FAM169A: variants seen among roughly 807,000 people sequenced by gnomAD.
FAM169A encodes soluble lamin-associated protein of 75 kDa.
In FAM169A, 24 loss-of-function variants were observed where a neutral mutation model predicts 75.7. That is an observed-to-expected ratio of 0.32 (90% CI 0.23 to 0.45). The LOEUF (loss-of-function observed/expected upper bound fraction) is 0.45, where lower values mean the gene tolerates loss of function less well. Ranked by LOEUF, FAM169A falls within the 20% of genes least tolerant of loss-of-function variation. The pLI is 1.00. For missense variants in FAM169A, 673 were observed against 784.0 expected (o/e 0.86, Z 1.69); for synonymous variants, 271 against 271.0 (o/e 1.00, Z 0.00).
Position 74,781,793 on chromosome 5 carries a change from C to G in FAM169A, c.1680G>C (p.Leu560Phe), listed in dbSNP as rs745409844. ...CCAATGAGGAAGTAGTATTAGGAGA[C>G]AAATTCTCAGAGACCGGTTCTTCGG... ...EFSEEPVSENLSPNTTSSLED... is the reference protein window; with the variant it reads ...EFSEEPVSENFSPNTTSSLED... The change falls in exon 13 of 13, where the codon TTG becomes TTC. Residue 560 changes from leucine to phenylalanine, a missense_variant. Coordinates refer to ENST00000687041, the MANE Select transcript of FAM169A (RefSeq NM_001376049.1). 4 of 1,613,952 alleles carry G rather than the reference C, an allele frequency of 2.5e-6. No homozygotes were observed. The South Asian group carries it at 4.4e-5, about 18-fold the overall frequency.
At chr5:74,841,429 T>C (rs1748855865) in intron 2 of FAM169A, 116 bp downstream of exon 2, 1 of 801,598 alleles carries the variant, frequency 1.2e-6, no homozygotes, top group Non-Finnish European at 1.8e-6. Flanking sequence ...TAGATTTCTG[T>C]AAAGATTTCA....
chr5:74,824,190 G>GA (rs1747902299), intron 5 of FAM169A, among the ~76,000 whole-genome samples: 1 of 152,168 alleles, frequency 6.6e-6, no homozygotes, highest in African/African-American at 2.4e-5. Context: ...TTGTTGACTA[G>GA]ATTGTTCTTC....
intron 6 of FAM169A, among the ~76,000 whole-genome samples, chr5:74,806,658 T>C (rs1746900720): frequency 6.6e-6 from 1 of 152,214 alleles, no homozygotes; most frequent in Non-Finnish European, 1.5e-5. Flanking sequence ...ACTGAGGAAC[T>C]GAACTTAAAC....
intron 10 of FAM169A, among the ~76,000 whole-genome samples, chr5:74,800,493 T>A (rs2112526423): frequency 6.6e-6 from 1 of 152,226 alleles, no homozygotes. Context: ...TGGGATAATA[T>A]AATCACTAGA....
chr5:74,855,996 G>A (rs56068548), intron 1 of FAM169A, among the ~76,000 whole-genome samples: 33,278 of 152,080 alleles, frequency 0.22, 3,774 homozygotes, highest in Middle Eastern at 0.3. Flanking sequence ...ATTCTTCTGC[G>A]TATGGATATC....
rs1216305161 is a variant in FAM169A, at chr5:74,777,749, C to T, written c.*3711G>A. On this transcript the variant is annotated 3_prime_UTR_variant, in exon 13 of 13. Coordinates refer to ENST00000687041, the MANE Select transcript of FAM169A (RefSeq NM_001376049.1). ...AAAAACACAGACCAGGAAACAATCA[C>T]AAAATATAGGTTTAATTACTACTTT... is the stretch of plus-strand genomic sequence containing the variant. 1 of 151,508 alleles carries T rather than the reference C, an allele frequency of 6.6e-6. No individual in the cohort carries two copies. The highest frequency in any genetic ancestry group is 1.5e-5 in the Non-Finnish European group (1 of 67,812). The allele number at this position is 151,508 out of a possible 1,614,324, so 9.4% of individuals were successfully genotyped here.
Position 74,834,587 on chromosome 5 carries a change from A to G in FAM169A, c.329T>C (p.Leu110Pro). The stretch of plus-strand genomic sequence containing the variant: ...AACATACAGAACCACTCTCTCCCCA[A>G]GAGTGCTCACCTACAAAGAGAGTCA... Reference protein sequence around the residue: ...SREGLKQVSTLGERVVLYVLN... With the variant: ...SREGLKQVSTPGERVVLYVLN... Residue 110 changes from leucine (L) to proline (P), a missense_variant, in exon 5 of 13, where the codon CTT (leucine) becomes CCT (proline). Transcript: ENST00000687041. 1.3e-6 allele frequency: 2 copies of G among 1,564,012 alleles called. No homozygotes were observed. The highest frequency in any genetic ancestry group is 1.7e-6 in the Non-Finnish European group (2 of 1,159,190).
At chr5:74,838,070 T>C (rs962249911) in intron 4 of FAM169A, among the ~76,000 whole-genome samples, 1 of 127,154 alleles carries the variant, frequency 7.9e-6, no homozygotes, top group African/African-American at 3.2e-5. Flanking sequence ...TGAGCAGAGA[T>C]AGCACCCCAC....
intron 1 of FAM169A, among the ~76,000 whole-genome samples, chr5:74,842,946 A>C (rs1223750846): frequency 6.6e-6 from 1 of 152,152 alleles, no homozygotes; most frequent in Non-Finnish European, 1.5e-5. Flanking sequence ...AAAAATTCAA[A>C]AGAATCCATG....
At position 74,856,750 on chromosome 5, in the gene FAM169A, A is replaced by G. The variant is rs559106193; in HGVS notation, c.-4+9415T>C. ...CATCTAGGGAGGGAAAAACATCCCT[A>G]CATTTTTCATGGATCAGACAGTATC... On this transcript the variant is annotated intron_variant, in intron 1 of 12. Coordinates refer to ENST00000687041, the MANE Select transcript of FAM169A (RefSeq NM_001376049.1). 2.0e-5 allele frequency among the ~76,000 whole-genome samples: 3 copies of G among 151,614 alleles called. No homozygotes were observed. In the South Asian group the frequency reaches 6.3e-4, roughly 32 times the overall value.
chr5:74,799,724 G>A (rs971961197), intron 10 of FAM169A: 26 of 1,195,018 alleles, frequency 2.2e-5, no homozygotes, highest in Admixed American at 8.5e-5. Flanking sequence ...ATCTGAAGAC[G>A]GAGTTCCAGC....
intron 10 of FAM169A, chr5:74,799,692 C>A: frequency 7.9e-7 from 1 of 1,264,062 alleles, no homozygotes; most frequent in Non-Finnish European, 1.2e-6. Context: ...CTGCTGATGC[C>A]TCAAAAAGTG....
intron 4 of FAM169A, among the ~76,000 whole-genome samples, chr5:74,837,803 C>T (rs1748645104): frequency 6.6e-6 from 1 of 152,038 alleles, no homozygotes; most frequent in Non-Finnish European, 1.5e-5. Context: ...TATCAAGACA[C>T]ATATATATTT....
In FAM169A at chr5:74,818,803, C is replaced by CTCTATA. The variant is rs1451956898; in HGVS notation, c.491-4785_491-4784insTATAGA. ...TCTCTCTCTCTCTCTCTCTCTCTCT[C>CTCTATA]TATATATATATATATATATATGTCA... On this transcript the variant is annotated intron_variant, in intron 5 of 12. Transcript: ENST00000687041. 1.7e-3 allele frequency among the ~76,000 whole-genome samples: 205 copies of CTCTATA among 121,632 alleles called. 2 individuals are homozygous for CTCTATA. The highest frequency in any genetic ancestry group is 5.6e-3 in the African/African-American group (164 of 29,200). The allele number at this position is 121,632 out of a possible 152,430, so 79.8% of individuals were successfully genotyped here. A position where few individuals can be genotyped will look rare whatever the true frequency, so the allele number is the denominator to read the frequency against.
At chr5:74,812,802 A>T (rs182968590) in intron 6 of FAM169A, among the ~76,000 whole-genome samples, 1 of 152,352 alleles carries the variant, frequency 6.6e-6, no homozygotes, top group East Asian at 1.9e-4. Context: ...AAATATACAG[A>T]TAACAAATGT....
At chr5:74,864,734 G>C (rs1561333345) in intron 1 of FAM169A, among the ~76,000 whole-genome samples, 2 of 152,194 alleles carry the variant, frequency 1.3e-5, no homozygotes, top group Non-Finnish European at 2.9e-5. Context: ...TTAGAGAAAA[G>C]TCCACTATAA....
At position 74,866,181 on chromosome 5, in the gene FAM169A, G is replaced by T. The variant is rs1217630783; in HGVS notation, c.-20C>A. ...CGCACTCACCTCAGACGCGCCCCGGGAGCCGCTGGAAGAGCCCGGGAAAGG... is the reference window on the plus strand; with the variant it reads ...CGCACTCACCTCAGACGCGCCCCGGTAGCCGCTGGAAGAGCCCGGGAAAGG... On this transcript the variant is annotated 5_prime_UTR_variant, in exon 1 of 13. Transcript: ENST00000687041. 4.1e-6 allele frequency: 4 copies of T among 984,114 alleles called. No homozygotes were observed. The highest frequency in any genetic ancestry group is 4.8e-6 in the Non-Finnish European group (4 of 829,546). 61.0% of individuals were successfully genotyped at this position (984,114 alleles called of 1,614,324 possible).
intron 6 of FAM169A, among the ~76,000 whole-genome samples, chr5:74,808,153 A>G (rs1486916702): frequency 6.6e-6 from 1 of 152,248 alleles, no homozygotes; most frequent in African/African-American, 2.4e-5. Context: ...GCAGAGACTC[A>G]AACAGGTATC....
Position 74,804,529 on chromosome 5 carries a change from T to A in FAM169A, c.876A>T (p.Arg292Ser). 6.2e-7 allele frequency: 1 copy of A among 1,611,490 alleles called. No individual in the cohort carries two copies. Among genetic ancestry groups the A allele is most frequent in the Non-Finnish European group, 8.5e-7 (1 of 1,178,088 alleles). The change falls in exon 8 of 13, where the codon AGA becomes AGT. Residue 292 changes from arginine to serine, a missense_variant. Physicochemically the swap from Arg to Ser is moderately radical, Grantham distance 110. Coordinates refer to ENST00000687041, the MANE Select transcript of FAM169A (RefSeq NM_001376049.1). ...GPASVPEYEARTEDNQSSEMQ... is the reference protein window; with the variant it reads ...GPASVPEYEASTEDNQSSEMQ... ...TCTCACTAGACTGATTGTCTTCAGT[T>A]CTTGCTTCGTATTCTGGAACAGATG...
Sources: gnomAD v4.1 joint callset for allele counts (sites outside exome capture counted in the v4.1 genomes callset) on GRCh38, gnomAD v4.1.1 for gene constraint, MANE v1.5 for transcripts, NCBI Gene and HGNC (gene_info 2026-07-23, HGNC 2026-07-21) for gene names.